NCKAP5: variants seen among roughly 807,000 people sequenced by gnomAD.
NCKAP5 encodes NCK associated protein 5.
NCKAP5 carries 92 observed loss-of-function variants against 167.0 expected under a neutral mutation model. The ratio of observed to expected loss-of-function variants is 0.55; its 90% CI spans 0.47 to 0.66. NCKAP5 has a LOEUF of 0.66. NCKAP5 is among the 30% of genes least tolerant of loss of function. The pLI, the probability that NCKAP5 is intolerant of heterozygous loss-of-function variation, is 0.00. For missense variants in NCKAP5, 2,378 were observed against 2,315.0 expected (o/e 1.03, Z -0.56); for synonymous variants, 891 against 877.4 (o/e 1.02, Z -0.27).
rs567850374 is a variant in NCKAP5 at position 133,476,965 on chromosome 2, AC to A, written c.69+40492del. On this transcript the variant is annotated intron_variant, in intron 3 of 19. Coordinates refer to ENST00000409261, the MANE Select transcript of NCKAP5 (RefSeq NM_207363.3). ...ATGCCATGGTCCCTTATTTGAAATG[AC>A]CCAGGCTACCACAACAGAACCAAGC... Among the ~76,000 whole-genome samples the A allele has an allele frequency of 7.9e-5, 12 of 152,312 alleles. No individual in the cohort carries two copies. The East Asian group carries it at 2.3e-3, about 29-fold the overall frequency.
In NCKAP5 at chr2:132,675,143, C is replaced by T. The variant is rs1339463605; in HGVS notation, c.5714-1838G>A. Among the ~76,000 whole-genome samples the T allele has an allele frequency of 3.3e-5, 5 of 152,150 alleles. No homozygotes were observed. The South Asian group carries it at 6.2e-4, about 19-fold the overall frequency. ...GGATCTCAAATTCATTCAACACACACTCATTAGAGAAGCTACTGCAAGGCA... is the reference window on the plus strand; with the variant it reads ...GGATCTCAAATTCATTCAACACACATTCATTAGAGAAGCTACTGCAAGGCA... On this transcript the variant is annotated intron_variant, in intron 19 of 19. Coordinates refer to ENST00000409261, the MANE Select transcript of NCKAP5 (RefSeq NM_207363.3).
intron 4 of NCKAP5, among the ~76,000 whole-genome samples, chr2:133,238,371 T>C (rs185173816): frequency 4.5e-4 from 69 of 152,232 alleles, no homozygotes; most frequent in African/African-American, 1.6e-3. Flanking sequence ...TTTGGTAAAG[T>C]CTCTGGTAGT....
chr2:133,463,636 G>A (rs1692338118), intron 3 of NCKAP5, among the ~76,000 whole-genome samples: 1 of 152,234 alleles, frequency 6.6e-6, no homozygotes, highest in East Asian at 1.9e-4. Context: ...AAAGCCCTGA[G>A]ATACTTAAGT....
At chr2:133,231,963 CA>C (rs1290490364) in intron 4 of NCKAP5, among the ~76,000 whole-genome samples, 1 of 152,140 alleles carries the variant, frequency 6.6e-6, no homozygotes, top group Non-Finnish European at 1.5e-5. Context: ...AATCACTTCG[CA>C]TGTAACTAAA....
intron 4 of NCKAP5, among the ~76,000 whole-genome samples, chr2:133,243,730 G>A (rs917991220): frequency 1.3e-5 from 2 of 152,192 alleles, no homozygotes; most frequent in African/African-American, 2.4e-5. Flanking sequence ...CTAAGGCTGC[G>A]AGGAGTAATA....
rs562780851 is a variant in NCKAP5 at position 133,280,398 on chromosome 2, G to GTTTA, written c.143+22635_143+22638dup. 4.3e-3 allele frequency among the ~76,000 whole-genome samples: 654 copies of GTTTA among 152,104 alleles called. 4 individuals carry two copies. The highest frequency in any genetic ancestry group is 0.014 in the African/African-American group (596 of 41,492). ...AGTTTCTTTTGTTTTCTGTTCGTTT[G>GTTTA]TTTATTTATTTATTTATTTATTTTT... On this transcript the variant is annotated intron_variant, in intron 4 of 19. Transcript: ENST00000409261.
At chr2:133,339,922 G>A (rs376171495) in intron 3 of NCKAP5, among the ~76,000 whole-genome samples, 14 of 152,248 alleles carry the variant, frequency 9.2e-5, no homozygotes, top group African/African-American at 1.7e-4. Context: ...ACCTTTGTGC[G>A]GTCTTTGGTT....
At chr2:133,426,713 A>G (rs933116095) in intron 3 of NCKAP5, among the ~76,000 whole-genome samples, 1 of 152,188 alleles carries the variant, frequency 6.6e-6, no homozygotes, top group Non-Finnish European at 1.5e-5. Context: ...AAATTCAAAT[A>G]AAGTATGATC....
At chr2:133,222,321 T>C (rs555096479) in intron 4 of NCKAP5, among the ~76,000 whole-genome samples, 8 of 149,252 alleles carry the variant, frequency 5.4e-5, no homozygotes, top group African/African-American at 1.7e-4. Context: ...AATATGACTA[T>C]AATTTTCAAA....
intron 19 of NCKAP5, among the ~76,000 whole-genome samples, chr2:132,722,023 C>T (rs1266523326): frequency 6.6e-6 from 1 of 152,178 alleles, no homozygotes; most frequent in African/African-American, 2.4e-5. Context: ...GAAAAATATT[C>T]AGGCTGGGAC....
At chr2:132,743,735 G>A (rs1483082443) in intron 16 of NCKAP5, among the ~76,000 whole-genome samples, 1 of 151,562 alleles carries the variant, frequency 6.6e-6, no homozygotes, top group Non-Finnish European at 1.5e-5. Flanking sequence ...AATAGGCTGA[G>A]ATTGTCAGAT....
the NCKAP5 span, among the ~76,000 whole-genome samples, chr2:133,667,487 A>G: frequency 6.6e-6 from 1 of 152,014 alleles, no homozygotes; most frequent in Admixed American, 6.6e-5. Flanking sequence ...CTGCATCCCC[A>G]GGTTGTTTTC....
At chr2:132,831,603 T>A (rs535595897) in intron 11 of NCKAP5, among the ~76,000 whole-genome samples, 252 of 152,260 alleles carry the variant, frequency 1.7e-3, no homozygotes, top group African/African-American at 5.8e-3. Flanking sequence ...TATTGACTGG[T>A]AGGGGCTCTT....
intron 3 of NCKAP5, among the ~76,000 whole-genome samples, chr2:133,334,986 T>A (rs916305025): frequency 2.0e-5 from 3 of 152,194 alleles, no homozygotes; most frequent in Non-Finnish European, 4.4e-5. Context: ...ATTCACTACC[T>A]CCTATAATAA....
chr2:133,631,508 G>T, the NCKAP5 span, among the ~76,000 whole-genome samples: 15 of 152,336 alleles, frequency 9.8e-5, no homozygotes, highest in African/African-American at 3.4e-4. Context: ...AAATGGCCAT[G>T]TACCTTCAAA....
intron 5 of NCKAP5, among the ~76,000 whole-genome samples, chr2:133,143,259 C>A (rs1039191879): frequency 3.9e-5 from 6 of 152,070 alleles, no homozygotes; most frequent in Non-Finnish European, 8.8e-5. Flanking sequence ...CACTGTCAAT[C>A]AGAACAGGTG....
At chr2:133,113,911 C>T (rs1198694918) in intron 6 of NCKAP5, among the ~76,000 whole-genome samples, 1 of 152,182 alleles carries the variant, frequency 6.6e-6, no homozygotes, top group African/African-American at 2.4e-5. Context: ...TGCCCCTGTA[C>T]CAAATGGGCC....
chr2:133,270,196 T>C (rs2089445039), intron 4 of NCKAP5, among the ~76,000 whole-genome samples: 1 of 152,220 alleles, frequency 6.6e-6, no homozygotes, highest in African/African-American at 2.4e-5. Flanking sequence ...CAAAATGAGA[T>C]GTTGAATAGA....
chr2:132,893,167 TA>T (rs1692863387), intron 8 of NCKAP5, among the ~76,000 whole-genome samples: 1 of 152,138 alleles, frequency 6.6e-6, no homozygotes. Context: ...CAAGCGTTGG[TA>T]AGAATGTGGA....
Sources: allele counts gnomAD v4.1 joint callset (sites outside exome capture counted in the v4.1 genomes callset), GRCh38; gene constraint gnomAD v4.1.1; transcripts MANE v1.5; gene names NCBI Gene and HGNC (gene_info 2026-07-23, HGNC 2026-07-21).